Variants in ARFGAP3 observed in about 807,000 individuals in gnomAD.
ARFGAP3 encodes the protein ARF GTPase activating protein 3, also known as ADP-ribosylation factor GTPase-activating protein 3.
ARFGAP3 carries 72 observed loss-of-function variants against 75.0 expected under a neutral mutation model. The observed-to-expected ratio is 0.96, with a 90% CI of 0.79 to 1.17. The LOEUF (loss-of-function observed/expected upper bound fraction) is 1.17. Among genes scored for constraint, ARFGAP3 ranks in the 50% most tolerant of loss-of-function variants. The pLI is 0.00. For synonymous variants in ARFGAP3, 221 were observed against 217.9 expected, an observed-to-expected ratio of 1.01 and a Z score of -0.13; for missense variants, 620 against 626.6, an observed-to-expected ratio of 0.99 and a Z score of 0.11.
intron 1 of ARFGAP3, among the ~76,000 whole-genome samples, chr22:42,854,741 C>T (rs577010130): frequency 2.1e-4 from 32 of 152,162 alleles, no homozygotes; most frequent in African/African-American, 6.5e-4. Flanking sequence ...AAAAGTAAGC[C>T]GACTTGTTTT....
In ARFGAP3 at chr22:42,799,121, T is replaced by C; in HGVS notation, c.1451A>G (p.Asp484Gly). Residue 484 changes from aspartate (D) to glycine (G), a missense_variant, in exon 15 of 16, where the codon GAC (aspartate) becomes GGC (glycine). By Grantham distance (94) the Asp-to-Gly change is moderately conservative (BLOSUM62 -1). Coordinates refer to ENST00000263245, the MANE Select transcript of ARFGAP3 (RefSeq NM_014570.5). ...CACTCCCTGCTTGAACTGCGCCATG[T>C]CGGGGGCGTTGGGCAGCACACTGGA... The part of the protein sequence containing the change: ...SLSSVLPNAP[D>G]MAQFKQGVRS... The C allele has an allele frequency of 6.2e-7, 1 of 1,614,158 alleles. No homozygotes were observed. Among genetic ancestry groups the C allele is most frequent in the Non-Finnish European group, 8.5e-7 (1 of 1,180,022 alleles).
chr22:42,810,632 C>A (rs1925324961), intron 12 of ARFGAP3, among the ~76,000 whole-genome samples, 181 bp downstream of exon 12: 1 of 152,160 alleles, frequency 6.6e-6, no homozygotes, highest in South Asian at 2.1e-4. Flanking sequence ...TAGCTCACTG[C>A]AGCCTTGTAC....
intron 14 of ARFGAP3, among the ~76,000 whole-genome samples, chr22:42,804,127 C>T (rs930955132): frequency 6.6e-6 from 1 of 151,850 alleles, no homozygotes; most frequent in Non-Finnish European, 1.5e-5. Context: ...TGGTCTGGAA[C>T]TCCTGAGCTC....
chr22:42,811,527 G>A (rs185510405), intron 11 of ARFGAP3, among the ~76,000 whole-genome samples: 2 of 152,272 alleles, frequency 1.3e-5, no homozygotes, highest in African/African-American at 2.4e-5. Flanking sequence ...AATCCCTTCC[G>A]TGTTAAGCAC....
At chr22:42,805,482 G>C (rs888697311) in intron 14 of ARFGAP3, among the ~76,000 whole-genome samples, 15 of 152,212 alleles carry the variant, frequency 9.9e-5, no homozygotes, top group Admixed American at 6.5e-5. Context: ...TGGGGCTGCT[G>C]GAGGTCTCCA....
At chr22:42,837,659 C>T (rs901356824) in intron 3 of ARFGAP3, among the ~76,000 whole-genome samples, 18 of 113,244 alleles carry the variant, frequency 1.6e-4, no homozygotes, top group Non-Finnish European at 3.4e-5. Context: ...AGCCTTGAAA[C>T]ATCTAAGGCA....
chr22:42,834,076 TATCCTA>T (rs1926414614), intron 5 of ARFGAP3, among the ~76,000 whole-genome samples, 160 bp downstream of exon 5: 1 of 152,238 alleles, frequency 6.6e-6, no homozygotes, highest in Admixed American at 6.5e-5. Context: ...CAATAGCAGA[TATCCTA>T]ACCTTGGAAT....
intron 3 of ARFGAP3, among the ~76,000 whole-genome samples, chr22:42,839,643 A>C (rs1299752340): frequency 6.6e-6 from 1 of 151,970 alleles, no homozygotes; most frequent in Non-Finnish European, 1.5e-5. Context: ...TAGATTTAAG[A>C]AGTTAAATAT....
At chr22:42,823,061 C>T (rs767559750) in intron 8 of ARFGAP3, among the ~76,000 whole-genome samples, 9 of 152,068 alleles carry the variant, frequency 5.9e-5, no homozygotes, top group East Asian at 1.9e-4. Context: ...CCACCTGCCT[C>T]GGCCTCCCAA....
chr22:42,839,091 CAG>C (rs1448996757), intron 3 of ARFGAP3, among the ~76,000 whole-genome samples: 3 of 108,336 alleles, frequency 2.8e-5, no homozygotes, highest in Admixed American at 1.3e-4. Context: ...GCCTGGGTGA[CAG>C]AGCAAGATTC....
At chr22:42,831,715 C>T (rs1482843219) in intron 5 of ARFGAP3, 79 bp from the exon 6 acceptor site, 2 of 1,593,374 alleles carry the variant, frequency 1.3e-6, no homozygotes, top group Non-Finnish European at 1.7e-6. Flanking sequence ...ACGGGAAAAA[C>T]CTAACAATTT....
intron 1 of ARFGAP3, among the ~76,000 whole-genome samples, chr22:42,850,663 T>C (rs1377796074): frequency 2.0e-5 from 3 of 150,882 alleles, no homozygotes; most frequent in East Asian, 3.9e-4. Flanking sequence ...AAGCAAGATC[T>C]GGCTTCTGGT....
At chr22:42,835,663 T>C (rs1295357438) in intron 3 of ARFGAP3, 170 bp from the exon 4 acceptor site, 2 of 322,762 alleles carry the variant, frequency 6.2e-6, no homozygotes, top group African/African-American at 4.5e-5. Flanking sequence ...TTACTAAAAA[T>C]ACAAAAAATT....
rs1460431065 is a variant in ARFGAP3, at chr22:42,831,413, C to A, written c.565+136G>T. 18 of 746,702 alleles carry A rather than the reference C, an allele frequency of 2.4e-5. No individual in the cohort carries two copies. The East Asian group carries it at 5.3e-4, about 22-fold the overall frequency. 46.3% of individuals were successfully genotyped at this position (746,702 alleles called of 1,614,324 possible). On this transcript the variant is annotated intron_variant, in intron 6 of 15. Transcript: ENST00000263245. The stretch of plus-strand genomic sequence containing the variant: ...TCTCTGACTGCTGGGCTCAGGCGAT[C>A]CCCCCGCCTCAGCCTCGCAAAGTGC...
At chr22:42,822,582 A>AT in intron 8 of ARFGAP3, 173 bp from the exon 9 acceptor site, 2 of 312,134 alleles carry the variant, frequency 6.4e-6, no homozygotes, top group Non-Finnish European at 9.3e-6. Flanking sequence ...GGAGTCCCTC[A>AT]GCATGGGGGA....
chr22:42,820,619 T>C (rs573892184), intron 9 of ARFGAP3, among the ~76,000 whole-genome samples: 1 of 152,274 alleles, frequency 6.6e-6, no homozygotes, highest in South Asian at 2.1e-4. Flanking sequence ...ATACAGTCTA[T>C]AGTAACTCAA....
rs1464982256 is a variant in ARFGAP3 at position 42,799,231 on chromosome 22, T to A, written c.1412-71A>T. On this transcript the variant is annotated intron_variant, in intron 14 of 15. Coordinates refer to ENST00000263245, the MANE Select transcript of ARFGAP3 (RefSeq NM_014570.5). ...GCTGCGGCAAACCCAGTACCCAGAG[T>A]GCTCAACGGCTCCAGAGAACCCGGA... The A allele has an allele frequency of 5.7e-6, 9 of 1,584,142 alleles. No individual in the cohort carries two copies. In the East Asian group the frequency reaches 1.8e-4, roughly 32 times the overall value.
At chr22:42,817,405 T>G (rs1370177541) in intron 10 of ARFGAP3, 141 bp from the exon 11 acceptor site, 35 of 1,205,260 alleles carry the variant, frequency 2.9e-5, no homozygotes, top group Non-Finnish European at 3.9e-5. Context: ...ACAATTTTTT[T>G]TTCTGGTGCA....
intron 3 of ARFGAP3, among the ~76,000 whole-genome samples, chr22:42,839,800 T>C (rs2146572797): frequency 6.6e-6 from 1 of 152,306 alleles, no homozygotes; most frequent in African/African-American, 2.4e-5. Flanking sequence ...GTTATTTTCC[T>C]GTGAACATAT....
Sources: allele counts gnomAD v4.1 joint callset (sites outside exome capture counted in the v4.1 genomes callset), GRCh38; gene constraint gnomAD v4.1.1; transcripts MANE v1.5; gene names NCBI Gene and HGNC (gene_info 2026-07-23, HGNC 2026-07-21).